Variants in XKR4 observed in about 807,000 individuals in gnomAD.
The protein encoded by XKR4 is XK related 4, also known as XK-related protein 4.
XKR4 carries 12 observed loss-of-function variants against 53.9 expected under a neutral mutation model. That is an observed-to-expected ratio of 0.22 (90% CI 0.14 to 0.36). The LOEUF (loss-of-function observed/expected upper bound fraction) is 0.36. Among genes scored for constraint, XKR4 ranks in the 10% least tolerant of loss-of-function variants. The pLI, the probability that XKR4 is intolerant of heterozygous loss-of-function variation, is 1.00. For missense variants in XKR4, 799 were observed against 859.5 expected (o/e 0.93, Z 0.88); for synonymous variants, 354 against 362.4 (o/e 0.98, Z 0.26).
At chr8:55,348,573 C>T (rs939137148) in intron 1 of XKR4, among the ~76,000 whole-genome samples, 2 of 152,096 alleles carry the variant, frequency 1.3e-5, no homozygotes, top group Non-Finnish European at 2.9e-5. Flanking sequence ...CAGAAGTGGA[C>T]ATGGGGTTAC....
rs560365303 is a variant in XKR4 at position 55,318,766 on chromosome 8, C to G, written c.807-38912C>G. Among the ~76,000 whole-genome samples the G allele has an allele frequency of 1.6e-4, 24 of 152,294 alleles. No individual in the cohort carries two copies. The Middle Eastern group carries it at 0.01, about 65-fold the overall frequency. Reference sequence around the variant, plus strand: ...CATTAGAAACAAACATACCTGCCCCCATCAGGCACGCAACCTCCAGAGCAG... The same window carrying G: ...CATTAGAAACAAACATACCTGCCCCGATCAGGCACGCAACCTCCAGAGCAG... On this transcript the variant is annotated intron_variant, in intron 1 of 2. Coordinates refer to ENST00000327381, the MANE Select transcript of XKR4 (RefSeq NM_052898.2).
In XKR4 at chr8:55,432,406, G is replaced by A. The variant is rs151111392; in HGVS notation, c.1006+74529G>A. On this transcript the variant is annotated intron_variant, in intron 2 of 2. Coordinates refer to ENST00000327381, the MANE Select transcript of XKR4 (RefSeq NM_052898.2). ...AAATGGCACCTGGCAGGAAGTAAATGCTGTGCCAGTGCAGGCCTTTAGTGC... is the reference window on the plus strand; with the variant it reads ...AAATGGCACCTGGCAGGAAGTAAATACTGTGCCAGTGCAGGCCTTTAGTGC... Among the ~76,000 whole-genome samples the A allele has an allele frequency of 8.2e-4, 125 of 152,326 alleles. No homozygotes were observed. In the East Asian group the frequency reaches 0.023, roughly 28 times the overall value.
intron 1 of XKR4, among the ~76,000 whole-genome samples, chr8:55,134,685 G>C (rs1481243055): frequency 6.6e-6 from 1 of 152,200 alleles, no homozygotes. Context: ...CTGAGTTGCA[G>C]TTTCTTCATT....
At chr8:55,260,088 T>G (rs1818501721) in intron 1 of XKR4, among the ~76,000 whole-genome samples, 2 of 152,168 alleles carry the variant, frequency 1.3e-5, no homozygotes. Flanking sequence ...GCATTTTGGA[T>G]TTTTTCACTG....
intron 1 of XKR4, among the ~76,000 whole-genome samples, chr8:55,141,603 G>T (rs1436202959): frequency 6.7e-6 from 1 of 149,176 alleles, no homozygotes; most frequent in African/African-American, 2.5e-5. Flanking sequence ...CTGCATCCGA[G>T]TGGGCCTGAG....
intron 1 of XKR4, among the ~76,000 whole-genome samples, chr8:55,356,742 G>A (rs182642778): frequency 9.0e-4 from 137 of 152,290 alleles, no homozygotes; most frequent in African/African-American, 3.1e-3. Flanking sequence ...TTGGCAATAT[G>A]TTGATAACTC....
chr8:55,133,177 C>T (rs555655939), intron 1 of XKR4, among the ~76,000 whole-genome samples: 7 of 152,266 alleles, frequency 4.6e-5, no homozygotes, highest in Admixed American at 2.0e-4. Context: ...TAATGGAAAA[C>T]AGCCACAAAC....
At chr8:55,445,854 A>G (rs1157348373) in intron 2 of XKR4, among the ~76,000 whole-genome samples, 3 of 152,222 alleles carry the variant, frequency 2.0e-5, no homozygotes, top group Non-Finnish European at 2.9e-5. Flanking sequence ...ATTCATGTAC[A>G]CAGGTGTTCA....
rs118151173 is a variant in XKR4, at chr8:55,175,458, A to C, written c.806+72164A>C. 9.8e-5 allele frequency among the ~76,000 whole-genome samples: 15 copies of C among 152,310 alleles called. 1 individual carries two copies. In the East Asian group the frequency reaches 2.9e-3, roughly 29 times the overall value. ...TCACTTGACAAGTGAATGTTGACTA[A>C]ATTTTTAAATGCCCAGTTTTATAAT... On this transcript the variant is annotated intron_variant, in intron 1 of 2. Coordinates refer to ENST00000327381, the MANE Select transcript of XKR4 (RefSeq NM_052898.2).
Position 55,534,462 on chromosome 8 carries a change from C to A in XKR4, c.*10235C>A, listed in dbSNP as rs556245170. The stretch of plus-strand genomic sequence containing the variant: ...AATCTCGGCTCACTGCAAGCTCTGC[C>A]TCCCAGGTTCACACCATCCTTCTGC... On this transcript the variant is annotated 3_prime_UTR_variant, in exon 3 of 3. Coordinates refer to ENST00000327381, the MANE Select transcript of XKR4 (RefSeq NM_052898.2). 15 of 143,320 alleles carry A rather than the reference C, an allele frequency of 1.0e-4. No homozygotes were observed. Among genetic ancestry groups the A allele is most frequent in the African/African-American group, 3.8e-4 (15 of 39,154 alleles). The allele number at this position is 143,320 out of a possible 1,614,324, so 8.9% of individuals were successfully genotyped here.
At chr8:55,374,577 G>A (rs1804119782) in intron 2 of XKR4, among the ~76,000 whole-genome samples, 1 of 152,216 alleles carries the variant, frequency 6.6e-6, no homozygotes, top group South Asian at 2.1e-4. Flanking sequence ...AAGAGCCAGA[G>A]AAGAAAATAA....
chr8:55,120,255 A>C (rs1468824635), intron 1 of XKR4, among the ~76,000 whole-genome samples: 2 of 152,188 alleles, frequency 1.3e-5, no homozygotes, highest in Non-Finnish European at 2.9e-5. Flanking sequence ...TTGGTTGTAA[A>C]TTTGATTCTC....
rs1198471894 is a variant in XKR4 at position 55,452,766 on chromosome 8, T to C, written c.1007-70515T>C. 7.1e-5 allele frequency: 58 copies of C among 811,982 alleles called. No individual in the cohort carries two copies. In the East Asian group the frequency reaches 1.4e-3, roughly 19 times the overall value. 50.3% of individuals were successfully genotyped at this position (811,982 alleles called of 1,614,324 possible). The stretch of plus-strand genomic sequence containing the variant: ...GTCCTCAAAGCCGCTCCCCGTGTCA[T>C]AGCTCTCAGCCACACTGCCAGCCAT... On this transcript the variant is annotated intron_variant, in intron 2 of 2. Transcript: ENST00000327381.
At chr8:55,179,997 T>C (rs1817285453) in intron 1 of XKR4, among the ~76,000 whole-genome samples, 1 of 152,228 alleles carries the variant, frequency 6.6e-6, no homozygotes, top group African/African-American at 2.4e-5. Context: ...TTAATTATAC[T>C]CATTCTTTTT....
chr8:55,176,332 C>G (rs575196667), intron 1 of XKR4, among the ~76,000 whole-genome samples: 10 of 152,234 alleles, frequency 6.6e-5, no homozygotes, highest in Non-Finnish European at 1.2e-4. Flanking sequence ...GGGGTTCGCT[C>G]TGCTAGCCTT....
chr8:55,248,660 G>T (rs1818322130), intron 1 of XKR4, among the ~76,000 whole-genome samples: 1 of 152,068 alleles, frequency 6.6e-6, no homozygotes, highest in Non-Finnish European at 1.5e-5. Context: ...GTTTCATAGG[G>T]CCACATGAAT....
At chr8:55,498,901 T>C (rs1012152753) in intron 2 of XKR4, among the ~76,000 whole-genome samples, 3 of 152,210 alleles carry the variant, frequency 2.0e-5, no homozygotes, top group Non-Finnish European at 4.4e-5. Context: ...TTCCACTTTG[T>C]AGATGAGGAA....
intron 1 of XKR4, among the ~76,000 whole-genome samples, chr8:55,319,976 G>A (rs562835960): frequency 1.1e-4 from 17 of 152,280 alleles, no homozygotes; most frequent in South Asian, 6.2e-4. Flanking sequence ...AGCAGTAGCC[G>A]TTATGTCTTT....
At chr8:55,500,748 C>T (rs1806424145) in intron 2 of XKR4, among the ~76,000 whole-genome samples, 1 of 152,176 alleles carries the variant, frequency 6.6e-6, no homozygotes, top group Non-Finnish European at 1.5e-5. Flanking sequence ...TATTTACAAT[C>T]TCATTTAACC....
Sources: gnomAD v4.1 joint callset for allele counts (sites outside exome capture counted in the v4.1 genomes callset) on GRCh38, gnomAD v4.1.1 for gene constraint, MANE v1.5 for transcripts, NCBI Gene and HGNC (gene_info 2026-07-23, HGNC 2026-07-21) for gene names.